The following TRAPPC13 variants were observed in gnomAD, a reference collection of about 807,000 sequenced individuals.
TRAPPC13 encodes trafficking protein particle complex subunit 13.
A neutral mutation model predicts 54.0 loss-of-function variants in TRAPPC13; 39 were observed. The observed-to-expected ratio is 0.72, with a 90% CI of 0.56 to 0.94. The LOEUF (loss-of-function observed/expected upper bound fraction) is 0.94. Ranked by LOEUF, TRAPPC13 falls within the 40% of genes least tolerant of loss-of-function variation. TRAPPC13 has a pLI of 0.00. For synonymous variants in TRAPPC13, 148 were observed against 167.7 expected, an observed-to-expected ratio of 0.88 and a Z score of 0.91; for missense variants, 386 against 488.1, an observed-to-expected ratio of 0.79 and a Z score of 1.97.
intron 11 of TRAPPC13, chr5:65,663,974 G>A (rs1009513135): frequency 7.1e-5 from 28 of 393,350 alleles, no homozygotes; most frequent in Non-Finnish European, 1.1e-4. Flanking sequence ...CAGGAGGCCA[G>A]TGTTGAGTAA....
intron 1 of TRAPPC13, chr5:65,625,502 A>G: frequency 4.7e-6 from 1 of 214,056 alleles, no homozygotes; most frequent in Non-Finnish European, 9.4e-6. Context: ...TAAAATTAGT[A>G]TTGCATGACA....
chr5:65,650,744 G>A (rs17240981), intron 5 of TRAPPC13, 66 bp from the exon 6 acceptor site: 93,742 of 1,264,692 alleles, frequency 0.074, 3,891 homozygotes, highest in East Asian at 0.095. Flanking sequence ...GTAGAATTGA[G>A]GTGTGTTTGA....
At position 65,665,044 on chromosome 5, in the gene TRAPPC13, A is replaced by C; in HGVS notation, c.*433A>C. Reference sequence around the variant, plus strand: ...ACTTCAAGAGCAGCCAGTAGGCAAAAAAAGTACAGTGGTGTACACAAAAAG... The same window carrying C: ...ACTTCAAGAGCAGCCAGTAGGCAAACAAAGTACAGTGGTGTACACAAAAAG... On this transcript the variant is annotated 3_prime_UTR_variant, in exon 13 of 13. Transcript: ENST00000399438. 1 of 191,162 alleles carries C rather than the reference A, an allele frequency of 5.2e-6. No individual in the cohort carries two copies. The highest frequency in any genetic ancestry group is 1.1e-5 in the Non-Finnish European group (1 of 93,798). 11.8% of individuals were successfully genotyped at this position (191,162 alleles called of 1,614,324 possible). A position where few individuals can be genotyped will look rare whatever the true frequency, so the allele number is the denominator to read the frequency against.
At chr5:65,631,793 C>T (rs1383082478) in intron 1 of TRAPPC13, among the ~76,000 whole-genome samples, 1 of 152,056 alleles carries the variant, frequency 6.6e-6, no homozygotes, top group Non-Finnish European at 1.5e-5. Context: ...ATCTCATCCC[C>T]TGCTAAACCA....
At chr5:65,635,501 T>G in intron 2 of TRAPPC13, 132 bp downstream of exon 2, 1 of 723,230 alleles carries the variant, frequency 1.4e-6, no homozygotes, top group Non-Finnish European at 2.3e-6. Context: ...TGCCTATTTT[T>G]GTATCATGTG....
At chr5:65,638,979 G>A (rs1755867560) in intron 4 of TRAPPC13, among the ~76,000 whole-genome samples, 1 of 152,144 alleles carries the variant, frequency 6.6e-6, no homozygotes, top group Non-Finnish European at 1.5e-5. Flanking sequence ...AGCTACCTGG[G>A]AAGCTGAGGC....
chr5:65,635,642 C>T (rs1481742108), intron 2 of TRAPPC13, among the ~76,000 whole-genome samples: 3 of 151,990 alleles, frequency 2.0e-5, no homozygotes, highest in African/African-American at 7.2e-5. Flanking sequence ...CCTTTATCCT[C>T]AAATGTTGCA....
At chr5:65,632,383 G>C (rs1327135881) in intron 1 of TRAPPC13, among the ~76,000 whole-genome samples, 2 of 152,154 alleles carry the variant, frequency 1.3e-5, no homozygotes, top group East Asian at 3.8e-4. Flanking sequence ...AAGAGTGAAG[G>C]TTGGAAACGC....
chr5:65,646,676 A>G (rs1409668255), intron 4 of TRAPPC13, among the ~76,000 whole-genome samples: 5 of 152,172 alleles, frequency 3.3e-5, no homozygotes, highest in Admixed American at 6.6e-5. Flanking sequence ...GTCTTTAGCC[A>G]TAGATTACAG....
At chr5:65,641,506 A>G (rs1156982831) in intron 4 of TRAPPC13, among the ~76,000 whole-genome samples, 1 of 152,108 alleles carries the variant, frequency 6.6e-6, no homozygotes, top group African/African-American at 2.4e-5. Context: ...GAGGATCCCC[A>G]GGACTCACCT....
intron 4 of TRAPPC13, among the ~76,000 whole-genome samples, chr5:65,639,480 C>G (rs973207044): frequency 6.6e-6 from 1 of 151,936 alleles, no homozygotes; most frequent in Admixed American, 6.6e-5. Context: ...GGAAACATAA[C>G]GAGACTCCCA....
At chr5:65,625,435 T>C (rs1359894867) in intron 1 of TRAPPC13, 5 of 329,690 alleles carry the variant, frequency 1.5e-5, no homozygotes, top group Non-Finnish European at 2.8e-5. Flanking sequence ...TTTTTCCTTC[T>C]GTCTCTTGTT....
chr5:65,635,376 C>T lies in TRAPPC13; in HGVS notation c.115+7C>T. On this transcript the variant is annotated splice_region_variant and intron_variant, in intron 2 of 12. Transcript: ENST00000399438. ...GAAGAGAAAGACTTACCTGGTATGG[C>T]ACATGCTTTCCTCTATTTGCACCTA... The T allele has an allele frequency of 6.2e-7, 1 of 1,610,432 alleles. No homozygotes were observed. The highest frequency in any genetic ancestry group is 8.5e-7 in the Non-Finnish European group (1 of 1,177,202).
At chr5:65,627,234 C>T (rs1755284838) in intron 1 of TRAPPC13, among the ~76,000 whole-genome samples, 1 of 151,478 alleles carries the variant, frequency 6.6e-6, no homozygotes, top group Non-Finnish European at 1.5e-5. Context: ...TCTTTAGTAC[C>T]ATCTTATAGT....
At position 65,658,378 on chromosome 5, in the gene TRAPPC13, T is replaced by A; in HGVS notation, c.575T>A (p.Val192Glu). The change falls in exon 9 of 13, where the codon GTA becomes GAA. Residue 192 changes from valine to glutamate, a missense_variant. By Grantham distance (121) the Val-to-Glu change is moderately radical. Transcript: ENST00000399438. Reference sequence around the variant, plus strand: ...TTTTCATATCCTCAGACTGATGAAGTATTTCTGGAAGCCCAGATTCAGAAT... The same window carrying A: ...TTTTCATATCCTCAGACTGATGAAGAATTTCTGGAAGCCCAGATTCAGAAT... ...ESDLSSVTDE[V>E]FLEAQIQNMT... 1 of 1,598,616 alleles carries A rather than the reference T, an allele frequency of 6.3e-7. No individual in the cohort carries two copies. The highest frequency in any genetic ancestry group is 8.5e-7 in the Non-Finnish European group (1 of 1,171,464).
intron 1 of TRAPPC13, among the ~76,000 whole-genome samples, chr5:65,633,395 T>C (rs1755619824): frequency 6.6e-6 from 1 of 152,116 alleles, no homozygotes; most frequent in African/African-American, 2.4e-5. Context: ...TTCTCCTGCC[T>C]CAGCCTCTGC....
At chr5:65,659,967 CAA>C (rs141876171) in intron 9 of TRAPPC13, among the ~76,000 whole-genome samples, 29,542 of 95,746 alleles carry the variant, frequency 0.31, 1,577 homozygotes, top group Non-Finnish European at 0.33. Context: ...GTATTTTAAA[CAA>C]AAAAAAAAAA....
chr5:65,661,856 G>C (rs1030683814), intron 10 of TRAPPC13, 194 bp from the exon 11 acceptor site: 2 of 483,776 alleles, frequency 4.1e-6, no homozygotes, highest in Non-Finnish European at 3.6e-6. Flanking sequence ...GTCCAGGTCT[G>C]CCAGGCTATT....
intron 5 of TRAPPC13, among the ~76,000 whole-genome samples, chr5:65,647,696 A>G (rs1443466789): frequency 6.6e-6 from 1 of 152,026 alleles, no homozygotes; most frequent in African/African-American, 2.4e-5. Flanking sequence ...CTGAGAGGCA[A>G]TATGAAAATT....
Sources: allele counts gnomAD v4.1 joint callset (sites outside exome capture counted in the v4.1 genomes callset), GRCh38; gene constraint gnomAD v4.1.1; transcripts MANE v1.5; gene names NCBI Gene and HGNC (gene_info 2026-07-23, HGNC 2026-07-21).